The following CDYL variants were observed in gnomAD, a reference collection of about 807,000 sequenced individuals.
CDYL encodes the protein chromodomain Y-like protein.
In CDYL, 8 loss-of-function variants were observed where a neutral mutation model predicts 47.3. The ratio of observed to expected loss-of-function variants is 0.17; its 90% CI spans 0.10 to 0.31. CDYL has a LOEUF of 0.31. CDYL is among the 10% of genes least tolerant of loss of function. CDYL has a pLI of 1.00. For synonymous variants in CDYL, 266 were observed against 265.0 expected (o/e 1.00, Z -0.04); for missense variants, 471 against 701.4 (o/e 0.67, Z 3.71).
At chr6:4,825,190 G>A (rs1267339810) in intron 1 of CDYL, among the ~76,000 whole-genome samples, 2 of 152,076 alleles carry the variant, frequency 1.3e-5, no homozygotes, top group African/African-American at 2.4e-5. Flanking sequence ...AATTTTGATA[G>A]GCCTTGCATG....
chr6:4,831,554 C>T (rs908916059), intron 1 of CDYL, among the ~76,000 whole-genome samples: 8 of 152,022 alleles, frequency 5.3e-5, no homozygotes, highest in East Asian at 1.9e-4. Flanking sequence ...AATGACTTGG[C>T]GATGCGGGCT....
In CDYL at chr6:4,900,793, A is replaced by ATC. The variant is rs1561697509; in HGVS notation, c.691+8415_691+8416insCT. On this transcript the variant is annotated intron_variant, in intron 2 of 6. Transcript: ENST00000397588. ...CGTATACGTGTGTATATATATATAT[A>ATC]TATATATATATATATATATATATAT... Among the ~76,000 whole-genome samples the ATC allele has an allele frequency of 1.2e-3, 66 of 53,680 alleles. 2 individuals carry two copies. The highest frequency in any genetic ancestry group is 5.2e-3 in the African/African-American group (64 of 12,392). The allele number at this position is 53,680 out of a possible 152,430, so 35.2% of individuals were successfully genotyped here.
At chr6:4,857,231 A>G (rs1581216247) in intron 1 of CDYL, among the ~76,000 whole-genome samples, 1 of 152,222 alleles carries the variant, frequency 6.6e-6, no homozygotes, top group East Asian at 1.9e-4. Flanking sequence ...ACTGATAATC[A>G]ACCATCACCA....
intron 2 of CDYL, among the ~76,000 whole-genome samples, chr6:4,920,429 A>G (rs997029542): frequency 6.6e-6 from 1 of 152,200 alleles, no homozygotes; most frequent in Non-Finnish European, 1.5e-5. Flanking sequence ...CTGGACTATA[A>G]TTATTTAAAG....
chr6:4,927,426 T>C (rs1232822665), intron 2 of CDYL, among the ~76,000 whole-genome samples: 1 of 118,816 alleles, frequency 8.4e-6, no homozygotes, highest in Admixed American at 9.7e-5. Context: ...GAATTTACTG[T>C]ACGTGTGTGT....
rs2127484850 is a variant in CDYL at position 4,892,297 on chromosome 6, G to A, written c.609G>A (p.Arg203=). ...CCGAGAGGGCCAGGATGGGGAGCAG[G>A]CCCAGGATACACCCACTAGTGCCTC... The part of the protein sequence containing the change: ...PGAERARMGS[R]PRIHPLVPQV... Residue 203 remains arginine, a synonymous_variant, in exon 2 of 7, where the codon AGG becomes AGA. Transcript: ENST00000397588. 1.2e-6 allele frequency: 2 copies of A among 1,614,120 alleles called. No individual in the cohort carries two copies. Among genetic ancestry groups the A allele is most frequent in the Middle Eastern group, 1.7e-4 (1 of 6,034 alleles).
intron 2 of CDYL, among the ~76,000 whole-genome samples, chr6:4,902,677 T>C (rs1409608944): frequency 6.6e-6 from 1 of 152,156 alleles, no homozygotes; most frequent in East Asian, 1.9e-4. Flanking sequence ...ATCTCACCTT[T>C]TACACATCAG....
At chr6:4,748,188 G>A (rs6902693) in intron 3 of CDYL, among the ~76,000 whole-genome samples, 148,249 of 152,248 alleles carry the variant, frequency 0.97, 72,256 homozygotes, top group Middle Eastern at 1. Flanking sequence ...GTGATTTCAA[G>A]TACATCTCTC....
At chr6:4,879,013 T>C (rs73717743) in intron 1 of CDYL, among the ~76,000 whole-genome samples, 8,502 of 152,276 alleles carry the variant, frequency 0.056, 259 homozygotes, top group South Asian at 0.15. Flanking sequence ...AGATATGATA[T>C]TGTTATTGGT....
intron 1 of CDYL, among the ~76,000 whole-genome samples, chr6:4,799,453 T>A (rs993660541): frequency 6.6e-6 from 1 of 152,204 alleles, no homozygotes; most frequent in East Asian, 1.9e-4. Context: ...ATTTTTTTTT[T>A]ATTTTTTTAT....
intron 1 of CDYL, among the ~76,000 whole-genome samples, chr6:4,826,574 T>G (rs1049543407): frequency 2.0e-5 from 3 of 152,234 alleles, no homozygotes; most frequent in Admixed American, 6.5e-5. Context: ...TCCCTAAGTG[T>G]CTTCTACTTT....
chr6:4,736,291 T>C (rs1313210641), intron 3 of CDYL, among the ~76,000 whole-genome samples: 1 of 152,238 alleles, frequency 6.6e-6, no homozygotes, highest in Non-Finnish European at 1.5e-5. Flanking sequence ...GTATGTTATA[T>C]GAAAACACGT....
intron 2 of CDYL, among the ~76,000 whole-genome samples, chr6:4,900,779 G>GTGTGTGTGTGTGTGTGTGTA: frequency 1.9e-5 from 1 of 51,706 alleles, no homozygotes; most frequent in African/African-American, 6.3e-5. Context: ...GTATACGTGT[G>GTGTGTGTGTGTGTGTGTGTA]TATATATATA....
chr6:4,825,223 T>C (rs899083761), intron 1 of CDYL, among the ~76,000 whole-genome samples: 2 of 152,228 alleles, frequency 1.3e-5, no homozygotes, highest in African/African-American at 2.4e-5. Flanking sequence ...TTGGTTAGCA[T>C]GCATTGCTAG....
chr6:4,730,800 C>T (rs1757592141), intron 2 of CDYL, among the ~76,000 whole-genome samples: 1 of 152,058 alleles, frequency 6.6e-6, no homozygotes, highest in African/African-American at 2.4e-5. Context: ...CTCCCTCCCT[C>T]GCCTGACATA....
intron 2 of CDYL, among the ~76,000 whole-genome samples, chr6:4,902,077 G>C (rs1355986111): frequency 1.3e-5 from 2 of 152,238 alleles, no homozygotes; most frequent in East Asian, 3.9e-4. Context: ...GGATACCCCA[G>C]GGGAAAGCCA....
At chr6:4,731,334 G>A (rs1757601508) in intron 2 of CDYL, among the ~76,000 whole-genome samples, 2 of 152,110 alleles carry the variant, frequency 1.3e-5, no homozygotes, top group South Asian at 4.1e-4. Flanking sequence ...CCTTCTTACA[G>A]TATTAAAGGG....
At chr6:4,725,569 C>T (rs1757495254) in intron 2 of CDYL, among the ~76,000 whole-genome samples, 2 of 152,228 alleles carry the variant, frequency 1.3e-5, no homozygotes, top group Admixed American at 1.3e-4. Flanking sequence ...CCGGGGCTTG[C>T]TGGTGGACCT....
rs1368423473 is a variant in CDYL, at chr6:4,749,358, G to GA, written c.186+14514_186+14515insA. On this transcript the variant is annotated intron_variant, in intron 3 of 8. Coordinates refer to the CDYL transcript ENST00000328908. ...ATGGATGGCTGGATATGAGATAGAT[G>GA]GATGGATGGATGAATGGATATGTGA... 3.4e-4 allele frequency among the ~76,000 whole-genome samples: 8 copies of GA among 23,236 alleles called. No homozygotes were observed. In the Non-Finnish European group the frequency reaches 6.6e-3, roughly 19 times the overall value. The allele number at this position is 23,236 out of a possible 152,430, so 15.2% of individuals were successfully genotyped here. A position where few individuals can be genotyped will look rare whatever the true frequency, so the allele number is the denominator to read the frequency against.
Sources: gnomAD v4.1 joint callset for allele counts (sites outside exome capture counted in the v4.1 genomes callset) on GRCh38, gnomAD v4.1.1 for gene constraint, MANE v1.5 for transcripts, NCBI Gene and HGNC (gene_info 2026-07-23, HGNC 2026-07-21) for gene names.